The following TTC9 variants were observed in gnomAD, a reference collection of about 807,000 sequenced individuals.
TTC9 encodes tetratricopeptide repeat protein 9A.
In TTC9, 13 loss-of-function variants were observed where a neutral mutation model predicts 22.9. The ratio of observed to expected loss-of-function variants is 0.57; its 90% confidence interval spans 0.37 to 0.90. The LOEUF (loss-of-function observed/expected upper bound fraction) is 0.90. Among genes scored for constraint, TTC9 ranks in the 40% least tolerant of loss-of-function variants. The pLI is 0.01. For missense variants in TTC9, 280 were observed against 291.8 expected (o/e 0.96, Z 0.29); for synonymous variants, 148 against 133.2 (o/e 1.11, Z -0.77).
At position 70,642,255 on chromosome 14, in the gene TTC9, C is replaced by G; in HGVS notation, c.126C>G (p.Gly42=). ...PGGGGGAPAR[G]QVGAAAEPAE... is the part of the protein sequence containing the mutation. ...GCGGCGGAGGAGCCCCAGCGAGGGG[C>G]CAGGTCGGGGCGGCGGCCGAGCCGG... The change falls in exon 1 of 3, where the codon GGC becomes GGG. Residue 42 remains glycine (G), a synonymous_variant. Coordinates refer to ENST00000256367, the MANE Select transcript of TTC9 (RefSeq NM_015351.2). 1.4e-6 allele frequency: 2 copies of G among 1,469,762 alleles called. No homozygotes were observed. The highest frequency in any genetic ancestry group is 2.7e-5 in the South Asian group (2 of 75,138). The allele number at this position is 1,469,762 out of a possible 1,614,324, so 91.0% of individuals were successfully genotyped here.
In TTC9 at chr14:70,667,552, C is replaced by G. The variant is rs115254452; in HGVS notation, c.407-12C>G. 9.6e-4 allele frequency: 1,542 copies of G among 1,613,742 alleles called. 13 individuals carry two copies. The African/African-American group carries it at 0.018, about 19-fold the overall frequency. On this transcript the variant is annotated splice_polypyrimidine_tract_variant and intron_variant, in intron 1 of 2. Coordinates refer to ENST00000256367, the MANE Select transcript of TTC9 (RefSeq NM_015351.2). Reference sequence around the variant, plus strand: ...GTTGTGCTGATGGCATTTTCCCTCCCTTCCTCCATAGCCTGCCTGCTCCAG... The same window carrying G: ...GTTGTGCTGATGGCATTTTCCCTCCGTTCCTCCATAGCCTGCCTGCTCCAG...
At chr14:70,652,993 A>G (rs551513344) in intron 1 of TTC9, among the ~76,000 whole-genome samples, 89 of 152,342 alleles carry the variant, frequency 5.8e-4, no homozygotes, top group African/African-American at 1.9e-3. Context: ...TTACATAGTG[A>G]AATCTGAATC....
Position 70,642,391 on chromosome 14 carries a change from A to C in TTC9, c.262A>C (p.Lys88Gln). The C allele has an allele frequency of 6.2e-7, 1 of 1,603,994 alleles. No individual in the cohort carries two copies. Among genetic ancestry groups the C allele is most frequent in the South Asian group, 1.1e-5 (1 of 89,370 alleles). ...GKYHRALLEL[K>Q]GLLPPPGERE... ...ATACCACCGGGCGTTGCTGGAGCTG[A>C]AGGGGCTGCTGCCGCCCCCCGGGGA... The change falls in exon 1 of 3, where the codon AAG (lysine) becomes CAG (glutamine). Residue 88 changes from lysine (K) to glutamine (Q), a missense_variant. This residue lies in a region of TTC9 where 165 missense variants were observed against 145.4 expected (regional missense o/e 1.14). Transcript: ENST00000256367.
chr14:70,653,118 A>G (rs896163478), intron 1 of TTC9, among the ~76,000 whole-genome samples: 2 of 152,202 alleles, frequency 1.3e-5, no homozygotes, highest in African/African-American at 4.8e-5. Context: ...TAGGATTGTT[A>G]TGGTGATTAA....
intron 1 of TTC9, among the ~76,000 whole-genome samples, chr14:70,646,611 G>A (rs769543695): frequency 1.6e-4 from 24 of 152,216 alleles, no homozygotes; most frequent in Non-Finnish European, 2.6e-4. Context: ...GGACCTGAAG[G>A]CTAGGAGCTT....
chr14:70,655,423 A>C (rs1435519226), intron 1 of TTC9, among the ~76,000 whole-genome samples: 1 of 152,006 alleles, frequency 6.6e-6, no homozygotes, highest in African/African-American at 2.4e-5. Context: ...AAAAAAACAA[A>C]GAAGAAGGTA....
chr14:70,669,162 TAAA>T (rs1338805880), intron 2 of TTC9, among the ~76,000 whole-genome samples: 5 of 151,672 alleles, frequency 3.3e-5, no homozygotes, highest in Admixed American at 6.6e-5. Context: ...TCAAAAAAAA[TAAA>T]AAAGAGTAAA....
At position 70,672,255 on chromosome 14, in the gene TTC9, C is replaced by T. The variant is rs376177354; in HGVS notation, c.*1100C>T. 5.3e-5 allele frequency: 8 copies of T among 152,380 alleles called. 1 individual carries two copies. Among genetic ancestry groups the T allele is most frequent in the African/African-American group, 1.9e-4 (8 of 41,592 alleles). The allele number at this position is 152,380 out of a possible 1,614,324, so 9.4% of individuals were successfully genotyped here. On this transcript the variant is annotated 3_prime_UTR_variant, in exon 3 of 3. Transcript: ENST00000256367. ...GCTTTGTCAGAACTTGTACAATCTT[C>T]TTTTGATGAAATTATCTGAACTCAA...
At chr14:70,652,867 G>A (rs1886005549) in intron 1 of TTC9, among the ~76,000 whole-genome samples, 1 of 152,146 alleles carries the variant, frequency 6.6e-6, no homozygotes, top group Admixed American at 6.5e-5. Context: ...CAGAGAGGGG[G>A]GTATCCCATG....
At chr14:70,666,178 A>T (rs1347317337) in intron 1 of TTC9, among the ~76,000 whole-genome samples, 1 of 152,108 alleles carries the variant, frequency 6.6e-6, no homozygotes, top group Non-Finnish European at 1.5e-5. Context: ...CTTCAAGGCC[A>T]TTTAGTCATC....
intron 1 of TTC9, among the ~76,000 whole-genome samples, chr14:70,655,881 A>G (rs12889553): frequency 0.83 from 125,768 of 152,052 alleles, 52,606 homozygotes; most frequent in Non-Finnish European, 0.9. Flanking sequence ...CAGGAATTTC[A>G]AATGGACCAC....
chr14:70,647,885 C>T (rs1885926244), intron 1 of TTC9, among the ~76,000 whole-genome samples: 1 of 152,174 alleles, frequency 6.6e-6, no homozygotes, highest in African/African-American at 2.4e-5. Context: ...TTGAAGCCAG[C>T]CCTCAATGGG....
intron 1 of TTC9, among the ~76,000 whole-genome samples, chr14:70,658,555 A>G (rs985592459): frequency 1.3e-5 from 2 of 152,262 alleles, no homozygotes; most frequent in Non-Finnish European, 2.9e-5. Context: ...AGGATGTGCT[A>G]TAATTTCACA....
Position 70,673,781 on chromosome 14 carries a change from A to G in TTC9, c.*2626A>G, listed in dbSNP as rs1226673163. 6.6e-6 allele frequency: 1 copy of G among 152,216 alleles called. No homozygotes were observed. Among genetic ancestry groups the G allele is most frequent in the Non-Finnish European group, 1.5e-5 (1 of 68,076 alleles). The allele number at this position is 152,216 out of a possible 1,614,324, so 9.4% of individuals were successfully genotyped here. On this transcript the variant is annotated 3_prime_UTR_variant, in exon 3 of 3. Transcript: ENST00000256367. ...GAGACAGGAGAGAGGTCTTGTTTAC[A>G]TGAGTGTGCTGGGGCAGGGCTGGAC...
rs564967773 is a variant in TTC9, at chr14:70,642,465, C to T, written c.336C>T (p.Pro112=). 20 of 1,552,204 alleles carry T rather than the reference C, an allele frequency of 1.3e-5. No homozygotes were observed. Among genetic ancestry groups the T allele is most frequent in the Admixed American group, 3.9e-5 (2 of 51,346 alleles). Residue 112 remains proline (P), a synonymous_variant, in exon 1 of 3, where the codon CCC becomes CCT. Transcript: ENST00000256367. ...CCTCCCCGGCTGGGGCCCTGAAGCCCGGCCGCCTCTCGGAGGAGCAGAGCA... is the reference window on the plus strand; with the variant it reads ...CCTCCCCGGCTGGGGCCCTGAAGCCTGGCCGCCTCTCGGAGGAGCAGAGCA... ...RPASPAGALK[P]GRLSEEQSKT...
intron 2 of TTC9, among the ~76,000 whole-genome samples, chr14:70,668,269 A>G (rs1810907661): frequency 6.6e-6 from 1 of 152,208 alleles, no homozygotes; most frequent in African/African-American, 2.4e-5. Flanking sequence ...TCCACCAGTC[A>G]TTCATTCATT....
chr14:70,649,789 G>A (rs772069655), intron 1 of TTC9, among the ~76,000 whole-genome samples: 3 of 152,100 alleles, frequency 2.0e-5, no homozygotes, highest in Non-Finnish European at 2.9e-5. Flanking sequence ...TTTCCTTCTG[G>A]CAGTTAGACA....
chr14:70,663,586 A>G (rs1886173067), intron 1 of TTC9, among the ~76,000 whole-genome samples: 2 of 152,216 alleles, frequency 1.3e-5, no homozygotes, highest in Admixed American at 1.3e-4. Flanking sequence ...AGATCAAGGT[A>G]AGGCCCCTCC....
chr14:70,662,507 C>T (rs1886158445), intron 1 of TTC9, among the ~76,000 whole-genome samples: 2 of 152,042 alleles, frequency 1.3e-5, no homozygotes, highest in South Asian at 4.2e-4. Context: ...TGATTGTCCT[C>T]CCCAACAAAA....
Sources: allele counts gnomAD v4.1 joint callset (sites outside exome capture counted in the v4.1 genomes callset), GRCh38; gene constraint gnomAD v4.1.1; regional missense constraint gnomAD v4.1.1; transcripts MANE v1.5; gene names NCBI Gene and HGNC (gene_info 2026-07-23, HGNC 2026-07-21).